Variants in RERE observed in about 807,000 individuals in gnomAD.
The protein encoded by RERE is arginine-glutamic acid dipeptide repeats.
RERE carries 40 observed loss-of-function variants against 146.1 expected under a neutral mutation model. The observed-to-expected ratio is 0.27, with a 90% CI of 0.21 to 0.36. The LOEUF (loss-of-function observed/expected upper bound fraction) is 0.36. RERE is among the 10% of genes least tolerant of loss of function. The probability of loss-of-function intolerance (pLI) is 1.00; values close to 1 mark genes in which losing one functional copy is unlikely to be tolerated. For synonymous variants in RERE, 1,003 were observed against 866.0 expected, an observed-to-expected ratio of 1.16 and a Z score of -2.78; for missense variants, 1,933 against 2,138.7, an observed-to-expected ratio of 0.90 and a Z score of 1.90.
At chr1:8,612,676 A>T (rs2124187416) in intron 4 of RERE, among the ~76,000 whole-genome samples, 1 of 152,370 alleles carries the variant, frequency 6.6e-6, no homozygotes. Context: ...TAAAAGTATT[A>T]ATAATAGCAT....
At chr1:8,604,751 T>A (rs1646681599) in intron 4 of RERE, among the ~76,000 whole-genome samples, 2 of 152,008 alleles carry the variant, frequency 1.3e-5, no homozygotes, top group African/African-American at 2.4e-5. Context: ...CAAACTAGCA[T>A]TTACGAACTT....
chr1:8,464,453 A>G (rs560666187), intron 11 of RERE, among the ~76,000 whole-genome samples: 1 of 152,128 alleles, frequency 6.6e-6, no homozygotes, highest in South Asian at 2.1e-4. Flanking sequence ...CCCAGAGACC[A>G]CCGGACTCAG....
intron 1 of RERE, among the ~76,000 whole-genome samples, chr1:8,810,624 A>G (rs919302608): frequency 2.6e-5 from 4 of 152,150 alleles, no homozygotes; most frequent in African/African-American, 7.2e-5. Flanking sequence ...TTAAATTTAA[A>G]TTAAAAAAAA....
At position 8,355,531 on chromosome 1, in the gene RERE, C is replaced by T. The variant is rs553849360; in HGVS notation, c.4555G>A (p.Ala1519Thr). ...AGCTCGGCCGACTGGGCATGCATGG[C>T]CTGCAGCTGGTGGGCTGCTGACATG... ...PPMSAAHQLQ[A>T]MHAQSAELQR... Residue 1519 changes from alanine (A) to threonine (T), a missense_variant, in exon 22 of 23, where the codon GCC (alanine) becomes ACC (threonine). Transcript: ENST00000400908. 5 of 1,609,532 alleles carry T rather than the reference C, an allele frequency of 3.1e-6. No individual in the cohort carries two copies. In the South Asian group the frequency reaches 5.5e-5, roughly 18 times the overall value.
intron 1 of RERE, among the ~76,000 whole-genome samples, chr1:8,716,417 C>A (rs977300904): frequency 6.6e-6 from 1 of 151,998 alleles, no homozygotes; most frequent in Non-Finnish European, 1.5e-5. Context: ...CTGCAGTGAC[C>A]CAAGACTGCA....
chr1:8,408,678 T>C (rs1318113220), intron 12 of RERE, among the ~76,000 whole-genome samples: 1 of 152,208 alleles, frequency 6.6e-6, no homozygotes, highest in Non-Finnish European at 1.5e-5. Context: ...GCTTTCAGCA[T>C]GAATATCCTC....
chr1:8,678,746 C>G (rs1046523483), intron 1 of RERE, among the ~76,000 whole-genome samples: 11 of 152,158 alleles, frequency 7.2e-5, no homozygotes, highest in African/African-American at 2.7e-4. Context: ...CTCCAACTCA[C>G]ATGCTAATAG....
At chr1:8,385,552 C>T (rs1419112325) in intron 12 of RERE, among the ~76,000 whole-genome samples, 1 of 152,076 alleles carries the variant, frequency 6.6e-6, no homozygotes, top group East Asian at 1.9e-4. Context: ...GCCAAAAGGA[C>T]CCTGAAGAGT....
At chr1:8,795,948 C>T (rs1226562343) in intron 1 of RERE, among the ~76,000 whole-genome samples, 1 of 143,272 alleles carries the variant, frequency 7.0e-6, no homozygotes, top group Non-Finnish European at 1.5e-5. Flanking sequence ...CACCATTACA[C>T]TCCAGCCTGG....
chr1:8,372,507 CGTGTGTGTGTGT>C (rs6143111), intron 12 of RERE, among the ~76,000 whole-genome samples: 8 of 131,764 alleles, frequency 6.1e-5, no homozygotes, highest in African/African-American at 1.4e-4. Flanking sequence ...ACCATCAGGT[CGTGTGTGTGTGT>C]GTGTGTGTGT....
At chr1:8,515,032 G>A (rs1645395341) in intron 7 of RERE, among the ~76,000 whole-genome samples, 1 of 152,126 alleles carries the variant, frequency 6.6e-6, no homozygotes, top group African/African-American at 2.4e-5. Flanking sequence ...AGACATGTTA[G>A]TATTGCTATT....
At chr1:8,545,759 C>T (rs1645852079) in intron 6 of RERE, among the ~76,000 whole-genome samples, 1 of 149,316 alleles carries the variant, frequency 6.7e-6, no homozygotes, top group Non-Finnish European at 1.5e-5. Context: ...TCTCGACTCA[C>T]TGCAACCTCC....
At chr1:8,812,145 G>A (rs541805937) in intron 1 of RERE, among the ~76,000 whole-genome samples, 1 of 152,292 alleles carries the variant, frequency 6.6e-6, no homozygotes, top group South Asian at 2.1e-4. Flanking sequence ...GTCCTTAAAA[G>A]TCATGTATAT....
At chr1:8,643,968 C>T (rs928742795) in intron 2 of RERE, among the ~76,000 whole-genome samples, 1 of 152,182 alleles carries the variant, frequency 6.6e-6, no homozygotes, top group Non-Finnish European at 1.5e-5. Flanking sequence ...ACTCCTCTTG[C>T]CTAGCAAAAG....
rs1462281359 is a variant in RERE at position 8,775,121 on chromosome 1, C to T, written c.-145+42039G>A. On this transcript the variant is annotated intron_variant, in intron 1 of 22. Transcript: ENST00000400908. ...GATTACAGGCGCACGCCACCACGCCCGGCTAATTTTTGTATTTTTAGTAGA... is the reference window on the plus strand; with the variant it reads ...GATTACAGGCGCACGCCACCACGCCTGGCTAATTTTTGTATTTTTAGTAGA... Among the ~76,000 whole-genome samples, 3 of 151,970 alleles carry T rather than the reference C, an allele frequency of 2.0e-5. No individual in the cohort carries two copies. The East Asian group carries it at 5.8e-4, about 29-fold the overall frequency.
intron 11 of RERE, among the ~76,000 whole-genome samples, chr1:8,462,338 C>T (rs114165659): frequency 0.013 from 2,025 of 152,256 alleles, 44 homozygotes; most frequent in African/African-American, 0.047. Context: ...GAAATAAGAC[C>T]GCAAGGAATG....
At chr1:8,414,371 C>T (rs1046014655) in intron 12 of RERE, among the ~76,000 whole-genome samples, 5 of 151,896 alleles carry the variant, frequency 3.3e-5, no homozygotes, top group Admixed American at 2.6e-4. Flanking sequence ...ATGGTGAAAC[C>T]CCATCTCTAC....
intron 4 of RERE, among the ~76,000 whole-genome samples, chr1:8,570,376 T>A (rs1231188407): frequency 1.3e-5 from 2 of 152,080 alleles, no homozygotes; most frequent in Non-Finnish European, 2.9e-5. Context: ...TTTTTGTAAT[T>A]TATGAATTCA....
At chr1:8,766,973 C>G (rs1476326767) in intron 1 of RERE, among the ~76,000 whole-genome samples, 3 of 152,136 alleles carry the variant, frequency 2.0e-5, no homozygotes, top group African/African-American at 7.2e-5. Flanking sequence ...AATTAATCAA[C>G]ATGTATCAAA....
Sources: gnomAD v4.1 joint callset for allele counts (sites outside exome capture counted in the v4.1 genomes callset) on GRCh38, gnomAD v4.1.1 for gene constraint, MANE v1.5 for transcripts, NCBI Gene and HGNC (gene_info 2026-07-23, HGNC 2026-07-21) for gene names.